PDZRN4: variants seen among roughly 807,000 people sequenced by gnomAD.
The protein encoded by PDZRN4 is PDZ domain containing ring finger 4.
Under a neutral mutation model 99.0 loss-of-function variants are expected in PDZRN4, and 70 were observed. The observed-to-expected ratio is 0.71, with a 90% CI of 0.58 to 0.86. The LOEUF (loss-of-function observed/expected upper bound fraction) is 0.86. Ranked by LOEUF, PDZRN4 falls within the 40% of genes least tolerant of loss-of-function variation. The pLI is 0.00. For missense variants in PDZRN4, 1,474 were observed against 1,331.2 expected (o/e 1.11, Z -1.67); for synonymous variants, 551 against 501.6 (o/e 1.10, Z -1.32).
At chr12:41,353,554 GCA>G (rs1282263923) in intron 3 of PDZRN4, among the ~76,000 whole-genome samples, 7 of 152,082 alleles carry the variant, frequency 4.6e-5, no homozygotes, top group African/African-American at 1.7e-4. Context: ...AATTTGGAGA[GCA>G]AGGGCACCTA....
intron 3 of PDZRN4, among the ~76,000 whole-genome samples, chr12:41,382,650 A>G (rs1236402726): frequency 3.9e-5 from 6 of 152,322 alleles, no homozygotes; most frequent in East Asian, 1.9e-4. Flanking sequence ...CTTTTCCAAG[A>G]TGCACCTTTT....
intron 3 of PDZRN4, among the ~76,000 whole-genome samples, chr12:41,243,688 GT>G (rs1951115027): frequency 6.6e-6 from 1 of 151,974 alleles, no homozygotes; most frequent in African/African-American, 2.4e-5. Context: ...TGAGGTAATG[GT>G]TTTTCTTACT....
intron 3 of PDZRN4, among the ~76,000 whole-genome samples, chr12:41,423,087 T>C (rs1430467956): frequency 3.3e-5 from 5 of 152,180 alleles, no homozygotes. Context: ...TTCTTGAGTG[T>C]TGATTTTTTG....
intron 3 of PDZRN4, among the ~76,000 whole-genome samples, chr12:41,322,642 C>A (rs1444602885): frequency 4.0e-5 from 6 of 151,670 alleles, no homozygotes; most frequent in Middle Eastern, 3.2e-3. Flanking sequence ...AGGTGCCCAC[C>A]ACCACGCCCG....
At chr12:41,437,662 G>A (rs1952642032) in intron 3 of PDZRN4, 1 of 939,486 alleles carries the variant, frequency 1.1e-6, no homozygotes, top group Admixed American at 3.4e-5. Context: ...AATCTGTGTA[G>A]TCATGTGCAC....
chr12:41,330,155 T>G (rs903825227), intron 3 of PDZRN4, among the ~76,000 whole-genome samples: 6 of 152,126 alleles, frequency 3.9e-5, no homozygotes, highest in African/African-American at 1.4e-4. Context: ...CTTCCAAAAT[T>G]AGCATAGTGA....
chr12:41,342,174 G>C (rs191404771), intron 3 of PDZRN4, among the ~76,000 whole-genome samples: 1 of 151,684 alleles, frequency 6.6e-6, no homozygotes, highest in Non-Finnish European at 1.5e-5. Flanking sequence ...CAGCCCCTAC[G>C]TCTCACCATA....
At chr12:41,489,862 TC>T (rs1937850372) in intron 3 of PDZRN4, among the ~76,000 whole-genome samples, 1 of 152,114 alleles carries the variant, frequency 6.6e-6, no homozygotes, top group South Asian at 2.1e-4. Context: ...TCAAATATAG[TC>T]ATTAGAGCTT....
intron 3 of PDZRN4, among the ~76,000 whole-genome samples, chr12:41,270,533 A>C (rs1490292450): frequency 6.6e-6 from 1 of 152,110 alleles, no homozygotes; most frequent in African/African-American, 2.4e-5. Context: ...TGTTTATAGA[A>C]CTTTGGCTTT....
At chr12:41,365,342 ACATTGG>A in intron 3 of PDZRN4, among the ~76,000 whole-genome samples, 1 of 152,230 alleles carries the variant, frequency 6.6e-6, no homozygotes, top group South Asian at 2.1e-4. Flanking sequence ...ATGAGCACAT[ACATTGG>A]TTCAGCTATT....
intron 5 of PDZRN4, among the ~76,000 whole-genome samples, chr12:41,517,383 G>C (rs1261761847): frequency 6.6e-6 from 1 of 152,008 alleles, no homozygotes; most frequent in East Asian, 1.9e-4. Flanking sequence ...TTACTGAAAG[G>C]TGTCTGTGAA....
At chr12:41,400,337 T>C (rs945502760) in intron 3 of PDZRN4, among the ~76,000 whole-genome samples, 6 of 152,276 alleles carry the variant, frequency 3.9e-5, no homozygotes, top group South Asian at 2.1e-4. Context: ...GGGAATGATA[T>C]AGAAATCATA....
At chr12:41,226,795 GA>G (rs1376205281) in intron 3 of PDZRN4, among the ~76,000 whole-genome samples, 1 of 152,166 alleles carries the variant, frequency 6.6e-6, no homozygotes, top group African/African-American at 2.4e-5. Flanking sequence ...AAGCCCTAAA[GA>G]AAATACCAAA....
At chr12:41,520,784 C>A (rs1488131296) in intron 5 of PDZRN4, among the ~76,000 whole-genome samples, 1 of 151,934 alleles carries the variant, frequency 6.6e-6, no homozygotes, top group Non-Finnish European at 1.5e-5. Context: ...ATGATGTTTA[C>A]AGATGAAGCA....
chr12:41,571,795 C>T (rs1939486225), intron 9 of PDZRN4, among the ~76,000 whole-genome samples: 1 of 152,132 alleles, frequency 6.6e-6, no homozygotes. Flanking sequence ...AATTGAGCAT[C>T]CTCACCTATA....
intron 5 of PDZRN4, among the ~76,000 whole-genome samples, chr12:41,512,371 T>C (rs1938321120): frequency 6.6e-6 from 1 of 152,034 alleles, no homozygotes; most frequent in Non-Finnish European, 1.5e-5. Context: ...TTGGACAGGA[T>C]GTTGCTGTCT....
intron 3 of PDZRN4, among the ~76,000 whole-genome samples, chr12:41,362,455 G>GC (rs1421493333): frequency 4.8e-5 from 2 of 41,402 alleles, no homozygotes; most frequent in African/African-American, 8.5e-5. Flanking sequence ...TTGAATTTTT[G>GC]TCTAATTGCA....
At chr12:41,311,024 A>C (rs1210814176) in intron 3 of PDZRN4, among the ~76,000 whole-genome samples, 1 of 152,134 alleles carries the variant, frequency 6.6e-6, no homozygotes, top group Non-Finnish European at 1.5e-5. Flanking sequence ...ACAGATAACA[A>C]CTATTAAAAA....
At position 41,547,843 on chromosome 12, in the gene PDZRN4, T is replaced by C. The variant is rs117765134; in HGVS notation, c.1204-4813T>C. ...AAATCTACACCAAATAGGTCATTGA[T>C]GACTTTTTAAGGGGATTCACAGCCC... On this transcript the variant is annotated intron_variant, in intron 5 of 9. Transcript: ENST00000402685. 9.2e-3 allele frequency among the ~76,000 whole-genome samples: 1,404 copies of C among 152,264 alleles called. 12 individuals are homozygous for C. Among genetic ancestry groups the C allele is most frequent in the Non-Finnish European group, 0.015 (1,024 of 68,018 alleles).
Sources: gnomAD v4.1 joint callset for allele counts (sites outside exome capture counted in the v4.1 genomes callset) on GRCh38, gnomAD v4.1.1 for gene constraint, MANE v1.5 for transcripts, NCBI Gene and HGNC (gene_info 2026-07-23, HGNC 2026-07-21) for gene names.